Variants in SORBS2 observed in about 807,000 individuals in gnomAD.
SORBS2 encodes the protein sorbin and SH3 domain containing 2.
SORBS2 carries 46 observed loss-of-function variants against 97.7 expected under a neutral mutation model. The observed-to-expected ratio is 0.47, with a 90% confidence interval of 0.37 to 0.60. The LOEUF (loss-of-function observed/expected upper bound fraction) is 0.60, where lower values mean the gene tolerates loss of function less well. Among genes scored for constraint, SORBS2 ranks in the 20% least tolerant of loss-of-function variants. The pLI is 0.00. For missense variants in SORBS2, 1,316 were observed against 1,282.3 expected, an observed-to-expected ratio of 1.03 and a Z score of -0.40; for synonymous variants, 476 against 473.4, an observed-to-expected ratio of 1.01 and a Z score of -0.07.
intron 6 of SORBS2, among the ~76,000 whole-genome samples, 155 bp from the exon 19 acceptor site, chr4:185,624,649 G>A (rs1250252565): frequency 6.6e-6 from 1 of 152,182 alleles, no homozygotes; most frequent in Non-Finnish European, 1.5e-5. Context: ...CACACATGGA[G>A]CTTCAACTCT....
chr4:185,667,920 T>A (rs937573700), intron 4 of SORBS2, among the ~76,000 whole-genome samples: 2 of 152,088 alleles, frequency 1.3e-5, no homozygotes, highest in Admixed American at 1.3e-4. Flanking sequence ...AATGTTGCTA[T>A]AAGTCTGAAT....
intron 2 of SORBS2, 146 bp downstream of exon 11, chr4:185,651,638 G>A (rs1345205628): frequency 2.5e-5 from 17 of 670,460 alleles, no homozygotes; most frequent in East Asian, 1.4e-4. Flanking sequence ...TGTTATGCAC[G>A]CTCTGAGAAA....
chr4:185,635,563 C>T, intron 4 of SORBS2, 152 bp from the exon 16 acceptor site: 2 of 615,132 alleles, frequency 3.3e-6, no homozygotes, highest in East Asian at 2.9e-5. Flanking sequence ...ATGAATGGAG[C>T]AAAATGGGGG....
chr4:185,681,033 G>T (rs1315134725), intron 2 of SORBS2, among the ~76,000 whole-genome samples: 1 of 152,076 alleles, frequency 6.6e-6, no homozygotes, highest in Non-Finnish European at 1.5e-5. Context: ...GTCTTGCATC[G>T]CACAGTGGAC....
intron 12 of SORBS2, among the ~76,000 whole-genome samples, chr4:185,597,797 G>T (rs762796782): frequency 6.6e-6 from 1 of 152,172 alleles, no homozygotes; most frequent in African/African-American, 2.4e-5. Flanking sequence ...GTGAGCAATG[G>T]CAGCAACAAG....
chr4:185,688,565 T>C (rs1379015717), intron 2 of SORBS2, among the ~76,000 whole-genome samples: 1 of 152,118 alleles, frequency 6.6e-6, no homozygotes, highest in Non-Finnish European at 1.5e-5. Flanking sequence ...GAAGCTATTT[T>C]GGGGATGAGA....
chr4:185,954,621 C>T (rs2099278745), intron 1 of SORBS2, among the ~76,000 whole-genome samples: 1 of 152,174 alleles, frequency 6.6e-6, no homozygotes, highest in Non-Finnish European at 1.5e-5. Context: ...CGAAGCGTCT[C>T]TTATTGTTTG....
At chr4:185,851,181 T>C (rs1416678841) in intron 1 of SORBS2, among the ~76,000 whole-genome samples, 4 of 152,148 alleles carry the variant, frequency 2.6e-5, no homozygotes, top group East Asian at 1.9e-4. Flanking sequence ...TTAAAAATCA[T>C]TTAGAGTGGA....
At chr4:185,807,443 T>A (rs145566314) in intron 1 of SORBS2, among the ~76,000 whole-genome samples, 1 of 152,218 alleles carries the variant, frequency 6.6e-6, no homozygotes. Context: ...AGGAAACCAC[T>A]GCTTTTTTGG....
intron 2 of SORBS2, among the ~76,000 whole-genome samples, chr4:185,727,230 C>T (rs959354483): frequency 1.3e-5 from 2 of 152,186 alleles, no homozygotes; most frequent in African/African-American, 4.8e-5. Context: ...AAATTCTCAT[C>T]CCCTCTGAAG....
intron 1 of SORBS2, among the ~76,000 whole-genome samples, chr4:185,814,693 A>T (rs2099192213): frequency 6.6e-6 from 1 of 152,180 alleles, no homozygotes; most frequent in Non-Finnish European, 1.5e-5. Flanking sequence ...GAAGTCCCCC[A>T]GTTTGCACTG....
chr4:185,739,025 A>C (rs2098706132), intron 2 of SORBS2, among the ~76,000 whole-genome samples: 1 of 152,246 alleles, frequency 6.6e-6, no homozygotes, highest in African/African-American at 2.4e-5. Flanking sequence ...CTAGCATCAA[A>C]AAAGTGTGAA....
chr4:185,734,759 T>C (rs1033512492), intron 2 of SORBS2, among the ~76,000 whole-genome samples: 1 of 152,096 alleles, frequency 6.6e-6, no homozygotes, highest in African/African-American at 2.4e-5. Flanking sequence ...TCTCCCAAAA[T>C]GCTCTCTCTC....
intron 1 of SORBS2, among the ~76,000 whole-genome samples, chr4:185,928,891 C>T (rs572929046): frequency 4.6e-5 from 7 of 152,248 alleles, no homozygotes; most frequent in Admixed American, 1.3e-4. Context: ...ATGCAGGTAT[C>T]TTCAAAGTCT....
At chr4:185,794,371 T>C (rs1382985190) in intron 1 of SORBS2, among the ~76,000 whole-genome samples, 1 of 152,202 alleles carries the variant, frequency 6.6e-6, no homozygotes, top group East Asian at 1.9e-4. Flanking sequence ...AGGTCCTATG[T>C]TCATAAATAA....
intron 1 of SORBS2, among the ~76,000 whole-genome samples, chr4:185,947,063 G>A (rs904867227): frequency 4.6e-5 from 7 of 152,158 alleles, no homozygotes; most frequent in Non-Finnish European, 7.3e-5. Context: ...TCGGATCAAG[G>A]AAAAAGGAGG....
chr4:185,639,425 T>C (rs2097091403), intron 4 of SORBS2, among the ~76,000 whole-genome samples: 1 of 152,200 alleles, frequency 6.6e-6, no homozygotes, highest in Non-Finnish European at 1.5e-5. Context: ...AATGTTGTTT[T>C]TAAGATGAAA....
chr4:185,892,050 G>T (rs951283559), intron 1 of SORBS2, among the ~76,000 whole-genome samples: 3 of 152,082 alleles, frequency 2.0e-5, no homozygotes, highest in African/African-American at 7.2e-5. Context: ...GGCCAGGATG[G>T]TCTCGATCTC....
At chr4:185,739,601 T>C (rs1223080552) in intron 2 of SORBS2, among the ~76,000 whole-genome samples, 3 of 152,242 alleles carry the variant, frequency 2.0e-5, no homozygotes, top group African/African-American at 7.2e-5. Context: ...GTGTTCAGGA[T>C]GAGGGCTTCT....
Sources: allele counts gnomAD v4.1 joint callset (sites outside exome capture counted in the v4.1 genomes callset), GRCh38; gene constraint gnomAD v4.1.1; transcripts MANE v1.5; gene names NCBI Gene and HGNC (gene_info 2026-07-23, HGNC 2026-07-21).